RPGRIP1L: variants seen among roughly 807,000 people sequenced by gnomAD.
RPGRIP1L encodes RPGRIP1 like, also known as protein fantom.
A neutral mutation model predicts 160.4 loss-of-function variants in RPGRIP1L; 131 were observed. The ratio of observed to expected loss-of-function variants is 0.82; its 90% confidence interval spans 0.71 to 0.94. The LOEUF is 0.94. Among genes scored for constraint, RPGRIP1L ranks in the 40% least tolerant of loss-of-function variants. RPGRIP1L has a pLI of 0.00. For synonymous variants in RPGRIP1L, 510 were observed against 515.8 expected (o/e 0.99, Z 0.15); for missense variants, 1,522 against 1,535.8 (o/e 0.99, Z 0.15).
intron 2 of RPGRIP1L, 81 bp downstream of exon 2, chr16:53,700,558 G>T: frequency 9.1e-7 from 1 of 1,094,728 alleles, no homozygotes; most frequent in Non-Finnish European, 1.4e-6. Flanking sequence ...GGTTTGGTTT[G>T]TATGAGTATA....
chr16:53,635,820 C>T lies in RPGRIP1L; in HGVS notation c.3294+619G>A, dbSNP rs1426606320. Among the ~76,000 whole-genome samples the T allele has an allele frequency of 2.6e-5, 4 of 152,108 alleles. No individual in the cohort carries two copies. The East Asian group carries it at 7.7e-4, about 29-fold the overall frequency. On this transcript the variant is annotated intron_variant, in intron 22 of 26. Coordinates refer to ENST00000647211, the MANE Select transcript of RPGRIP1L (RefSeq NM_015272.5). ...TTTACTTTATAAAAACTTTTTCCCT[C>T]TTACAATAAAAAATGCTCTGGTAAA...
chr16:53,674,069 T>C (rs1445389256), intron 7 of RPGRIP1L, among the ~76,000 whole-genome samples: 4 of 152,180 alleles, frequency 2.6e-5, no homozygotes, highest in Non-Finnish European at 4.4e-5. Context: ...CATCTGTAGA[T>C]AGCACTATCA....
rs748952723 is a variant in RPGRIP1L at position 53,641,143 on chromosome 16, A to G, written c.2875-27T>C. 5.0e-6 allele frequency: 8 copies of G among 1,586,494 alleles called. No homozygotes were observed. The Admixed American group carries it at 1.2e-4, about 23-fold the overall frequency. On this transcript the variant is annotated intron_variant, in intron 18 of 26. Coordinates refer to ENST00000647211, the MANE Select transcript of RPGRIP1L (RefSeq NM_015272.5). ...TAAGACAAACCAACCAATGTGTCAG[A>G]CTGAGTATGATGACCATTAGATTTC...
chr16:53,647,844 G>A (rs1411379099), intron 16 of RPGRIP1L, among the ~76,000 whole-genome samples: 2 of 152,118 alleles, frequency 1.3e-5, no homozygotes, highest in Non-Finnish European at 2.9e-5. Flanking sequence ...GGTGGCTCAT[G>A]CCTGTAATCC....
chr16:53,660,107 A>T (rs560447884), intron 10 of RPGRIP1L, among the ~76,000 whole-genome samples: 110 of 152,158 alleles, frequency 7.2e-4, no homozygotes, highest in Non-Finnish European at 1.4e-3. Flanking sequence ...AGCTTTTTTT[A>T]AAAAAAGCAT....
intron 5 of RPGRIP1L, among the ~76,000 whole-genome samples, chr16:53,687,335 G>C (rs1970089742): frequency 6.6e-6 from 1 of 152,036 alleles, no homozygotes; most frequent in South Asian, 2.1e-4. Context: ...CATGAGGCTT[G>C]GATTAACTAG....
At chr16:53,653,482 T>C (rs1598333255) in intron 14 of RPGRIP1L, 1 of 278,142 alleles carries the variant, frequency 3.6e-6, no homozygotes, top group South Asian at 1.4e-4. Flanking sequence ...CAACCAAATA[T>C]CACCAACGTG....
intron 6 of RPGRIP1L, among the ~76,000 whole-genome samples, chr16:53,679,445 A>G (rs1386511668): frequency 2.6e-5 from 4 of 151,718 alleles, no homozygotes; most frequent in Non-Finnish European, 4.4e-5. Flanking sequence ...TCTGTCACCG[A>G]CGATGGAGTG....
chr16:53,684,015 C>T (rs1041488379), intron 6 of RPGRIP1L, among the ~76,000 whole-genome samples: 3 of 152,048 alleles, frequency 2.0e-5, no homozygotes, highest in African/African-American at 7.2e-5. Context: ...AAATGTAAAA[C>T]CCGAAACTAC....
chr16:53,618,872 C>T (rs1964539590), intron 24 of RPGRIP1L, among the ~76,000 whole-genome samples, 153 bp downstream of exon 24: 1 of 152,124 alleles, frequency 6.6e-6, no homozygotes, highest in Non-Finnish European at 1.5e-5. Flanking sequence ...AATCTTTATG[C>T]TACTGGTTTG....
At chr16:53,637,537 A>T (rs1293010872) in intron 21 of RPGRIP1L, among the ~76,000 whole-genome samples, 158 bp downstream of exon 21, 2 of 152,174 alleles carry the variant, frequency 1.3e-5, no homozygotes, top group Admixed American at 1.3e-4. Context: ...CCTAACTACA[A>T]CTAAGAAGAT....
chr16:53,669,229 A>G (rs1238675416), intron 9 of RPGRIP1L, among the ~76,000 whole-genome samples: 2 of 152,194 alleles, frequency 1.3e-5, no homozygotes, highest in Non-Finnish European at 2.9e-5. Context: ...AATGTATCAT[A>G]TATTTCAAAA....
At chr16:53,669,853 A>C (rs939820488) in intron 9 of RPGRIP1L, among the ~76,000 whole-genome samples, 2 of 152,152 alleles carry the variant, frequency 1.3e-5, no homozygotes, top group Non-Finnish European at 2.9e-5. Context: ...GAAGCATAAC[A>C]AAAAAAGAAT....
chr16:53,612,001 C>T (rs1225278639), intron 24 of RPGRIP1L, among the ~76,000 whole-genome samples: 2 of 152,212 alleles, frequency 1.3e-5, no homozygotes, highest in South Asian at 2.1e-4. Context: ...CAGGAACAAA[C>T]ATCTTTTATG....
Position 53,662,630 on chromosome 16 carries a change from C to T in RPGRIP1L, c.1243+2240G>A, listed in dbSNP as rs184463299. Among the ~76,000 whole-genome samples the T allele has an allele frequency of 2.0e-3, 303 of 152,106 alleles. 2 individuals are homozygous for T. The highest frequency in any genetic ancestry group is 6.7e-3 in the African/African-American group (278 of 41,546). The stretch of plus-strand genomic sequence containing the variant: ...AAAGATTTTCTTAAATAGACAGTTT[C>T]GGTTTTTTTGTGTATTATTTCCTTG... On this transcript the variant is annotated intron_variant, in intron 10 of 26. Coordinates refer to ENST00000647211, the MANE Select transcript of RPGRIP1L (RefSeq NM_015272.5).
In RPGRIP1L at chr16:53,641,447, C is replaced by A. The variant is rs376893062; in HGVS notation, c.2712G>T (p.Lys904Asn). Reference protein sequence around the residue: ...SGIFELTDHQKHPAGTIHVIL... With the variant: ...SGIFELTDHQNHPAGTIHVIL... ...TAACATGGATGGTGCCAGCAGGATG[C>A]TTTTGATGGTCTGTTAACTCAAATA... Residue 904 changes from lysine (K) to asparagine (N), a missense_variant, in exon 18 of 27, where the codon AAG becomes AAT. Lys to Asn is a moderately conservative substitution (Grantham distance 94, BLOSUM62 0). Coordinates refer to ENST00000647211, the MANE Select transcript of RPGRIP1L (RefSeq NM_015272.5). 117 of 1,613,698 alleles carry A rather than the reference C, an allele frequency of 7.3e-5. No homozygotes were observed. The highest frequency in any genetic ancestry group is 9.7e-5 in the Non-Finnish European group (115 of 1,179,846).
At chr16:53,624,230 T>G (rs574439494) in intron 22 of RPGRIP1L, among the ~76,000 whole-genome samples, 1 of 152,332 alleles carries the variant, frequency 6.6e-6, no homozygotes, top group African/African-American at 2.4e-5. Flanking sequence ...TATGTGAAGC[T>G]GCAGGTATTA....
chr16:53,641,505 C>T, intron 17 of RPGRIP1L, 30 bp from the exon 18 acceptor site: 1 of 1,578,252 alleles, frequency 6.3e-7, no homozygotes, highest in Non-Finnish European at 8.7e-7. Context: ...TTAATTAATG[C>T]TAGAGTGAAG....
At chr16:53,662,881 T>C (rs1253435831) in intron 10 of RPGRIP1L, among the ~76,000 whole-genome samples, 1 of 152,082 alleles carries the variant, frequency 6.6e-6, no homozygotes, top group Non-Finnish European at 1.5e-5. Flanking sequence ...TGTTTTATGA[T>C]ACTTAAACTG....
Sources: gnomAD v4.1 joint callset for allele counts (sites outside exome capture counted in the v4.1 genomes callset) on GRCh38, gnomAD v4.1.1 for gene constraint, MANE v1.5 for transcripts, NCBI Gene and HGNC (gene_info 2026-07-23, HGNC 2026-07-21) for gene names.